The following ITGA1 variants were observed in gnomAD, a reference collection of about 807,000 sequenced individuals.
ITGA1 encodes integrin subunit alpha 1, also known as integrin alpha-1.
ITGA1 carries 85 observed loss-of-function variants against 145.9 expected under a neutral mutation model. The ratio of observed to expected loss-of-function variants is 0.58; its 90% CI spans 0.49 to 0.70. ITGA1 has a LOEUF of 0.70. Ranked by LOEUF, ITGA1 falls within the 30% of genes least tolerant of loss-of-function variation. The pLI, the probability that ITGA1 is intolerant of heterozygous loss-of-function variation, is 0.00. For synonymous variants in ITGA1, 520 were observed against 495.3 expected (o/e 1.05, Z -0.66); for missense variants, 1,351 against 1,418.7 (o/e 0.95, Z 0.77).
chr5:52,818,235 T>C (rs1748808201), intron 1 of ITGA1, among the ~76,000 whole-genome samples: 1 of 151,860 alleles, frequency 6.6e-6, no homozygotes, highest in South Asian at 2.1e-4. Context: ...CTTGCTGAGT[T>C]GAAAAAAAAA....
At chr5:52,863,342 A>G (rs955182246) in intron 3 of ITGA1, among the ~76,000 whole-genome samples, 42 of 152,200 alleles carry the variant, frequency 2.8e-4, no homozygotes, top group African/African-American at 9.9e-4. Context: ...CTCTTTTTCT[A>G]AGATATACTA....
intron 6 of ITGA1, 94 bp downstream of exon 6, chr5:52,865,911 T>A (rs575092939): frequency 8.8e-6 from 9 of 1,022,070 alleles, no homozygotes; most frequent in Middle Eastern, 5.2e-4. Flanking sequence ...AATTAATCAA[T>A]AAAACTAAAG....
chr5:52,935,133 G>C (rs76687972), intron 23 of ITGA1, among the ~76,000 whole-genome samples: 1 of 151,938 alleles, frequency 6.6e-6, no homozygotes, highest in African/African-American at 2.4e-5. Context: ...GTGTTGATAT[G>C]AATTACATTG....
At chr5:52,832,908 TG>T (rs1372265162) in intron 1 of ITGA1, among the ~76,000 whole-genome samples, 2 of 151,640 alleles carry the variant, frequency 1.3e-5, no homozygotes, top group Non-Finnish European at 2.9e-5. Flanking sequence ...GCTTTGAGAT[TG>T]GGCTGGGCAT....
At chr5:52,943,906 TC>T (rs1331652167) in intron 26 of ITGA1, among the ~76,000 whole-genome samples, 2 of 152,110 alleles carry the variant, frequency 1.3e-5, no homozygotes, top group Non-Finnish European at 2.9e-5. Flanking sequence ...GGATCCAAAG[TC>T]CTCCCAGGTC....
At chr5:52,884,105 C>A (rs979695841) in intron 7 of ITGA1, among the ~76,000 whole-genome samples, 12 of 152,158 alleles carry the variant, frequency 7.9e-5, no homozygotes, top group Admixed American at 5.2e-4. Flanking sequence ...CTGTTAAAGA[C>A]TAACATGTAA....
intron 1 of ITGA1, among the ~76,000 whole-genome samples, chr5:52,791,742 C>A (rs1215584006): frequency 1.7e-5 from 1 of 59,310 alleles, no homozygotes; most frequent in Non-Finnish European, 4.0e-5. Context: ...TTTTTCACTC[C>A]CTCAGCTTGT....
intron 18 of ITGA1, among the ~76,000 whole-genome samples, chr5:52,924,308 A>C (rs996188021): frequency 9.2e-5 from 14 of 152,332 alleles, no homozygotes; most frequent in African/African-American, 3.1e-4. Flanking sequence ...CTGAGAAGTC[A>C]GGACAGCCCT....
Position 52,788,321 on chromosome 5 carries a change from G to C in ITGA1, c.-33G>C. 6.7e-7 allele frequency: 1 copy of C among 1,487,048 alleles called. No homozygotes were observed. The highest frequency in any genetic ancestry group is 2.8e-5 in the East Asian group (1 of 35,672). 92.1% of individuals were successfully genotyped at this position (1,487,048 alleles called of 1,614,324 possible). ...GCGCCCGGTCCTGCCCTGCGAACCA[G>C]CGCGGCCCCCTGGCGCTGAGGCTGC... On this transcript the variant is annotated 5_prime_UTR_variant, in exon 1 of 29. Transcript: ENST00000282588.
At chr5:52,922,382 T>A (rs1293995068) in intron 17 of ITGA1, among the ~76,000 whole-genome samples, 1 of 152,216 alleles carries the variant, frequency 6.6e-6, no homozygotes, top group African/African-American at 2.4e-5. Context: ...ACTCATTTTA[T>A]AGAAAGTTTG....
At position 52,932,034 on chromosome 5, in the gene ITGA1, G is replaced by C. The variant is rs199926779; in HGVS notation, c.2772-13G>C. On this transcript the variant is annotated splice_polypyrimidine_tract_variant and intron_variant, in intron 21 of 28. Transcript: ENST00000282588. ...TTTTAATGGTTTGTCTGAATGTGCC[G>C]TGTATTTTCTAGTGACAGCGAAGAA... The C allele has an allele frequency of 6.8e-7, 1 of 1,478,904 alleles. No homozygotes were observed. Among genetic ancestry groups the C allele is most frequent in the Non-Finnish European group, 9.4e-7 (1 of 1,058,234 alleles). 91.6% of individuals were successfully genotyped at this position (1,478,904 alleles called of 1,614,324 possible).
Position 52,801,060 on chromosome 5 carries a change from T to C in ITGA1, c.61+12646T>C, listed in dbSNP as rs1748469362. On this transcript the variant is annotated intron_variant, in intron 1 of 28. Coordinates refer to ENST00000282588, the MANE Select transcript of ITGA1 (RefSeq NM_181501.2). ...GGGAGCAGTTCTGCGACTACCTGTT[T>C]CAACAAGCAGTGAAGACCGACAACA... 1.9e-6 allele frequency: 3 copies of C among 1,613,334 alleles called. No individual in the cohort carries two copies. The East Asian group carries it at 6.7e-5, about 36-fold the overall frequency.
chr5:52,919,365 T>C (rs866948030), intron 16 of ITGA1, among the ~76,000 whole-genome samples: 2 of 152,158 alleles, frequency 1.3e-5, no homozygotes, highest in Non-Finnish European at 1.5e-5. Flanking sequence ...CTTTGTTCCA[T>C]TGAGGTGACC....
chr5:52,791,544 A>G (rs2111640489), intron 1 of ITGA1, among the ~76,000 whole-genome samples: 1 of 152,358 alleles, frequency 6.6e-6, no homozygotes, highest in Non-Finnish European at 1.5e-5. Flanking sequence ...CCATCCCCAA[A>G]TGGCAAGATC....
intron 17 of ITGA1, among the ~76,000 whole-genome samples, chr5:52,921,702 C>T (rs538286137): frequency 1.2e-4 from 19 of 152,202 alleles, no homozygotes; most frequent in African/African-American, 3.1e-4. Flanking sequence ...TTCAAAATTT[C>T]GAAAATTGTT....
intron 6 of ITGA1, among the ~76,000 whole-genome samples, chr5:52,866,461 C>T (rs973323806): frequency 3.3e-5 from 5 of 152,130 alleles, no homozygotes; most frequent in African/African-American, 4.8e-5. Flanking sequence ...ATGTCAGAGC[C>T]GGGTGTCAGA....
At chr5:52,821,171 G>A (rs1308155330) in intron 1 of ITGA1, among the ~76,000 whole-genome samples, 1 of 152,106 alleles carries the variant, frequency 6.6e-6, no homozygotes, top group Non-Finnish European at 1.5e-5. Flanking sequence ...ACGAAGACTT[G>A]GATTCAGTAA....
chr5:52,943,549 C>T (rs572538993), intron 26 of ITGA1, among the ~76,000 whole-genome samples: 4 of 152,306 alleles, frequency 2.6e-5, no homozygotes, highest in East Asian at 3.9e-4. Context: ...TGCAGGGGTG[C>T]TCTGCAGTGG....
chr5:52,836,311 A>T (rs913900105), intron 1 of ITGA1, among the ~76,000 whole-genome samples: 3 of 152,238 alleles, frequency 2.0e-5, no homozygotes, highest in African/African-American at 4.8e-5. Flanking sequence ...CAGAGCCAGT[A>T]CATAAAATAA....
Sources: gnomAD v4.1 joint callset for allele counts (sites outside exome capture counted in the v4.1 genomes callset) on GRCh38, gnomAD v4.1.1 for gene constraint, MANE v1.5 for transcripts, NCBI Gene and HGNC (gene_info 2026-07-23, HGNC 2026-07-21) for gene names.